Variants in PNPT1 observed in about 807,000 individuals in gnomAD.
PNPT1 encodes the protein polyribonucleotide nucleotidyltransferase 1, also known as polyribonucleotide nucleotidyltransferase 1, mitochondrial.
PNPT1 carries 53 observed loss-of-function variants against 119.5 expected under a neutral mutation model. That is an observed-to-expected ratio of 0.44 (90% CI 0.36 to 0.56). The LOEUF (loss-of-function observed/expected upper bound fraction) is 0.56. Ranked by LOEUF, PNPT1 falls within the 20% of genes least tolerant of loss-of-function variation. The pLI, the probability that PNPT1 is intolerant of heterozygous loss-of-function variation, is 0.00. For synonymous variants in PNPT1, 357 were observed against 322.1 expected, an observed-to-expected ratio of 1.11 and a Z score of -1.16; for missense variants, 948 against 938.5, an observed-to-expected ratio of 1.01 and a Z score of -0.13.
intron 14 of PNPT1, among the ~76,000 whole-genome samples, chr2:55,661,528 A>C (rs1441540182): frequency 6.6e-6 from 1 of 152,198 alleles, no homozygotes; most frequent in Non-Finnish European, 1.5e-5. Flanking sequence ...TGAACACAAA[A>C]TCACAACGTG....
chr2:55,693,647 G>A lies in PNPT1; in HGVS notation c.161+16C>T. The A allele has an allele frequency of 6.2e-7, 1 of 1,613,668 alleles. No homozygotes were observed. The highest frequency in any genetic ancestry group is 8.5e-7 in the Non-Finnish European group (1 of 1,179,664). Reference sequence around the variant, plus strand: ...GACACCTTATGACAATACAGTGAACGCACGTCACTCCTTACCTGTTGCCTA... The same window carrying A: ...GACACCTTATGACAATACAGTGAACACACGTCACTCCTTACCTGTTGCCTA... On this transcript the variant is annotated intron_variant, in intron 1 of 27. Coordinates refer to ENST00000447944, the MANE Select transcript of PNPT1 (RefSeq NM_033109.5).
chr2:55,686,537 C>T, intron 2 of PNPT1, 93 bp from the exon 3 acceptor site: 1 of 862,604 alleles, frequency 1.2e-6, no homozygotes, highest in Non-Finnish European at 1.8e-6. Context: ...CAATTAAACT[C>T]AAGAAAAGAT....
intron 4 of PNPT1, among the ~76,000 whole-genome samples, chr2:55,684,736 G>C (rs1256943566): frequency 6.6e-6 from 1 of 152,206 alleles, no homozygotes; most frequent in East Asian, 1.9e-4. Flanking sequence ...AGTATAACAG[G>C]TACTAGGGAT....
intron 13 of PNPT1, among the ~76,000 whole-genome samples, chr2:55,663,565 T>C (rs960706801): frequency 6.6e-5 from 10 of 152,096 alleles, no homozygotes; most frequent in African/African-American, 2.4e-4. Context: ...CACCTTTCAA[T>C]CATAATGCTG....
rs554536326 is a variant in PNPT1, at chr2:55,654,790, G to C, written c.1495+110C>G. 20 of 932,882 alleles carry C rather than the reference G, an allele frequency of 2.1e-5. 1 individual carries two copies. In the Admixed American group the frequency reaches 4.2e-4, roughly 20 times the overall value. The allele number at this position is 932,882 out of a possible 1,614,324, so 57.8% of individuals were successfully genotyped here. On this transcript the variant is annotated intron_variant, in intron 18 of 27. Transcript: ENST00000447944. ...GAGGTCTTGCTATGTTGCCCAGGCT[G>C]GTCTTGAACTCCCAGCCTCAAGTGA...
intron 14 of PNPT1, 28 bp downstream of exon 14, chr2:55,661,923 AAACGT>A: frequency 6.6e-7 from 1 of 1,513,898 alleles, no homozygotes; most frequent in Non-Finnish European, 8.9e-7. Context: ...GAACATCATA[AAACGT>A]AACAAACATC....
intron 1 of PNPT1, 143 bp downstream of exon 1, chr2:55,693,520 A>T: frequency 8.2e-7 from 1 of 1,222,464 alleles, no homozygotes; most frequent in Middle Eastern, 2.2e-4. Context: ...AAACCCGGAA[A>T]GGGAAATTTG....
chr2:55,670,615 G>T lies in PNPT1; in HGVS notation c.976+704C>A, dbSNP rs143080160. Reference sequence around the variant, plus strand: ...CAGTTAACATTTATTGAACACTTACGGTGTGGCAGGCACAGATGTAAATGA... The same window carrying T: ...CAGTTAACATTTATTGAACACTTACTGTGTGGCAGGCACAGATGTAAATGA... On this transcript the variant is annotated intron_variant, in intron 11 of 27. Transcript: ENST00000447944. Among the ~76,000 whole-genome samples the T allele has an allele frequency of 5.1e-3, 772 of 152,232 alleles. 3 individuals are homozygous for T. Among genetic ancestry groups the T allele is most frequent in the Non-Finnish European group, 8.9e-3 (602 of 68,008 alleles).
Position 55,684,928 on chromosome 2 carries a change from A to T in PNPT1, c.403+15T>A. The T allele has an allele frequency of 4.5e-6, 7 of 1,543,032 alleles. No homozygotes were observed. The highest frequency in any genetic ancestry group is 6.2e-6 in the Non-Finnish European group (7 of 1,134,710). ...CATACCAGAGAAGATGAACGCCTCTATGTTAATATCTTACCTATTATTCGA... is the reference window on the plus strand; with the variant it reads ...CATACCAGAGAAGATGAACGCCTCTTTGTTAATATCTTACCTATTATTCGA... On this transcript the variant is annotated intron_variant, in intron 4 of 27. Coordinates refer to ENST00000447944, the MANE Select transcript of PNPT1 (RefSeq NM_033109.5).
At chr2:55,678,684 C>A (rs1275431977) in intron 8 of PNPT1, among the ~76,000 whole-genome samples, 2 of 152,220 alleles carry the variant, frequency 1.3e-5, no homozygotes, top group Non-Finnish European at 2.9e-5. Context: ...TAACCACTAT[C>A]ACTGTCCTAG....
rs763033192 is a variant in PNPT1 at position 55,644,624 on chromosome 2, A to G, written c.1906+13T>C. On this transcript the variant is annotated intron_variant, in intron 23 of 27. Transcript: ENST00000447944. ...ATTTAATTAAAAAACCCCAAACTTC[A>G]TACAACTCTTACCTGTTTCAGCCTG... is the stretch of plus-strand genomic sequence containing the variant. 2 of 1,583,078 alleles carry G rather than the reference A, an allele frequency of 1.3e-6. No individual in the cohort carries two copies. Among genetic ancestry groups the G allele is most frequent in the Non-Finnish European group, 1.7e-6 (2 of 1,153,596 alleles).
intron 2 of PNPT1, among the ~76,000 whole-genome samples, 163 bp downstream of exon 2, chr2:55,687,482 C>G (rs993074227): frequency 6.6e-6 from 1 of 151,968 alleles, no homozygotes; most frequent in Non-Finnish European, 1.5e-5. Context: ...GCTCTGGACT[C>G]TGGTTGTCTG....
chr2:55,661,149 G>A (rs1572813597), intron 14 of PNPT1, among the ~76,000 whole-genome samples: 1 of 142,364 alleles, frequency 7.0e-6, no homozygotes, highest in East Asian at 2.0e-4. Context: ...CCAGGCTGGA[G>A]CGCAGTGGTG....
intron 27 of PNPT1, among the ~76,000 whole-genome samples, chr2:55,636,707 G>A (rs1695686679): frequency 6.6e-6 from 1 of 152,098 alleles, no homozygotes; most frequent in African/African-American, 2.4e-5. Flanking sequence ...CCTAGACAAG[G>A]GCTTTGAGAG....
intron 8 of PNPT1, among the ~76,000 whole-genome samples, chr2:55,674,709 A>T (rs1350881957): frequency 1.3e-5 from 2 of 152,248 alleles, no homozygotes; most frequent in Non-Finnish European, 2.9e-5. Flanking sequence ...AAATTGTAAC[A>T]CTGCCTGATA....
At position 55,649,256 on chromosome 2, in the gene PNPT1, T is replaced by C. The variant is rs118126342; in HGVS notation, c.1496-1803A>G. Among the ~76,000 whole-genome samples, 40 of 152,242 alleles carry C rather than the reference T, an allele frequency of 2.6e-4. 1 individual carries two copies. In the East Asian group the frequency reaches 7.7e-3, roughly 29 times the overall value. ...GAATTTGAGACCAGCCTGGGCAATA[T>C]ATTGAGACCTCATCTCTATAAATAA... On this transcript the variant is annotated intron_variant, in intron 18 of 27. Transcript: ENST00000447944.
At chr2:55,655,514 G>C (rs1696358409) in intron 17 of PNPT1, among the ~76,000 whole-genome samples, 1 of 152,208 alleles carries the variant, frequency 6.6e-6, no homozygotes, top group Non-Finnish European at 1.5e-5. Context: ...AGTAGTTAAA[G>C]ATATAGGGCT....
chr2:55,637,948 C>T (rs1472885610), intron 26 of PNPT1, among the ~76,000 whole-genome samples: 10 of 143,964 alleles, frequency 6.9e-5, no homozygotes, highest in Non-Finnish European at 1.2e-4. Flanking sequence ...TGCAGTGAGC[C>T]GAGACCACGC....
At chr2:55,658,828 A>G (rs2104081604) in intron 15 of PNPT1, among the ~76,000 whole-genome samples, 1 of 152,358 alleles carries the variant, frequency 6.6e-6, no homozygotes, top group East Asian at 1.9e-4. Flanking sequence ...AATTTCTACA[A>G]AAAAATGTTC....
Sources: allele counts gnomAD v4.1 joint callset (sites outside exome capture counted in the v4.1 genomes callset), GRCh38; gene constraint gnomAD v4.1.1; transcripts MANE v1.5; gene names NCBI Gene and HGNC (gene_info 2026-07-23, HGNC 2026-07-21).